Variants in XRN2 observed in about 807,000 individuals in gnomAD.
The protein encoded by XRN2 is DHM1-like protein.
Under a neutral mutation model 138.5 loss-of-function variants are expected in XRN2, and 44 were observed. That is an observed-to-expected ratio of 0.32 (90% CI 0.25 to 0.41). The LOEUF is 0.41. Ranked by LOEUF, XRN2 falls within the 10% of genes least tolerant of loss-of-function variation. XRN2 has a pLI of 1.00. For missense variants in XRN2, 937 were observed against 1,169.3 expected, an observed-to-expected ratio of 0.80 and a Z score of 2.90; for synonymous variants, 354 against 369.4, an observed-to-expected ratio of 0.96 and a Z score of 0.48.
At chr20:21,318,624 T>C (rs1186438928) in intron 1 of XRN2, among the ~76,000 whole-genome samples, 1 of 152,146 alleles carries the variant, frequency 6.6e-6, no homozygotes, top group Admixed American at 6.5e-5. Context: ...TTTATATGTA[T>C]TCCATAACAT....
intron 27 of XRN2, among the ~76,000 whole-genome samples, chr20:21,371,953 C>G (rs2038767967): frequency 6.6e-6 from 1 of 152,150 alleles, no homozygotes; most frequent in African/African-American, 2.4e-5. Context: ...ATTAATATTA[C>G]TTTGGTTAAA....
chr20:21,364,671 G>A (rs2038674458), intron 24 of XRN2, among the ~76,000 whole-genome samples: 1 of 152,072 alleles, frequency 6.6e-6, no homozygotes, highest in Non-Finnish European at 1.5e-5. Context: ...GCCGGGCATG[G>A]TGTTGTGTAC....
Position 21,389,291 on chromosome 20 carries a change from A to G in XRN2, c.2806A>G (p.Arg936Gly). The G allele has an allele frequency of 6.2e-7, 1 of 1,613,402 alleles. No homozygotes were observed. The highest frequency in any genetic ancestry group is 1.1e-5 in the South Asian group (1 of 90,952). Residue 936 changes from arginine to glycine, a missense_variant, in exon 30 of 30, where the codon AGG (arginine) becomes GGG (glycine). By Grantham distance (125) the Arg-to-Gly change is moderately radical (BLOSUM62 -2). Coordinates refer to ENST00000377191, the MANE Select transcript of XRN2 (RefSeq NM_012255.5). ...TTTTCAGGGATATCCCAGAGAAGGA[A>G]GGAAATACCCTTTGCCACCACCCTC... ...GGRQGYPREG[R>G]KYPLPPPSGR...
At chr20:21,303,565 A>G (rs980781346) in intron 1 of XRN2, 92 bp downstream of exon 1, 1 of 1,414,018 alleles carries the variant, frequency 7.1e-7, no homozygotes, top group Non-Finnish European at 9.2e-7. Context: ...GCCCCCGGGG[A>G]GCCTTGCCGG....
chr20:21,341,054 C>T (rs189992490), intron 15 of XRN2, among the ~76,000 whole-genome samples: 32 of 152,046 alleles, frequency 2.1e-4, no homozygotes, highest in Non-Finnish European at 3.7e-4. Context: ...AAGAAGAGCA[C>T]GTAGGATTGT....
At chr20:21,355,111 A>G (rs1035436277) in intron 21 of XRN2, among the ~76,000 whole-genome samples, 1 of 152,226 alleles carries the variant, frequency 6.6e-6, no homozygotes, top group Non-Finnish European at 1.5e-5. Flanking sequence ...TTAAAAAGCA[A>G]TACTTCAACA....
chr20:21,359,314 C>T (rs1457890096), intron 24 of XRN2, among the ~76,000 whole-genome samples: 1 of 152,038 alleles, frequency 6.6e-6, no homozygotes, highest in Non-Finnish European at 1.5e-5. Context: ...GTGGGTGGAT[C>T]ATCTGAGATC....
At chr20:21,380,970 T>C (rs889236945) in intron 27 of XRN2, among the ~76,000 whole-genome samples, 3 of 152,242 alleles carry the variant, frequency 2.0e-5, no homozygotes, top group African/African-American at 7.2e-5. Flanking sequence ...CAGCTAGATA[T>C]TTTATTGATT....
chr20:21,376,131 C>T (rs1007513282), intron 27 of XRN2, among the ~76,000 whole-genome samples: 1 of 152,150 alleles, frequency 6.6e-6, no homozygotes, highest in African/African-American at 2.4e-5. Context: ...AGCCACTGCC[C>T]CCAGCCACCA....
intron 13 of XRN2, 53 bp from the exon 14 acceptor site, chr20:21,338,991 T>C (rs939647759): frequency 2.8e-5 from 43 of 1,542,630 alleles, no homozygotes; most frequent in Non-Finnish European, 3.7e-5. Context: ...AATGCTTAAC[T>C]CTGACATTTT....
intron 17 of XRN2, among the ~76,000 whole-genome samples, chr20:21,347,498 G>A (rs1367791932): frequency 6.6e-6 from 1 of 152,182 alleles, no homozygotes; most frequent in Non-Finnish European, 1.5e-5. Context: ...AGTGCACTGA[G>A]TATTGACCGT....
At chr20:21,310,374 A>G (rs2037863072) in intron 1 of XRN2, among the ~76,000 whole-genome samples, 1 of 152,246 alleles carries the variant, frequency 6.6e-6, no homozygotes, top group Admixed American at 6.5e-5. Flanking sequence ...TGTGTATTTG[A>G]AAAGGATACA....
At chr20:21,350,370 C>T (rs1020928816) in intron 20 of XRN2, among the ~76,000 whole-genome samples, 1 of 151,450 alleles carries the variant, frequency 6.6e-6, no homozygotes, top group East Asian at 1.9e-4. Flanking sequence ...ACTAGAAATA[C>T]AAAAAATTAG....
intron 24 of XRN2, among the ~76,000 whole-genome samples, chr20:21,362,880 A>G (rs1363397895): frequency 6.6e-6 from 1 of 152,192 alleles, no homozygotes; most frequent in Non-Finnish European, 1.5e-5. Flanking sequence ...GGGAGAATTG[A>G]GAATGTACTC....
intron 29 of XRN2, 108 bp downstream of exon 29, chr20:21,387,114 A>T: frequency 7.1e-7 from 1 of 1,412,740 alleles, no homozygotes; most frequent in Non-Finnish European, 9.5e-7. Context: ...CTGATAGAGT[A>T]GCTTAGAGTA....
At chr20:21,354,749 C>T (rs774699167) in intron 20 of XRN2, 40 bp from the exon 21 acceptor site, 63 of 1,589,294 alleles carry the variant, frequency 4.0e-5, no homozygotes, top group Middle Eastern at 1.7e-4. Context: ...TTTGGGTGAT[C>T]CTGGTAGCAG....
intron 20 of XRN2, among the ~76,000 whole-genome samples, chr20:21,352,589 C>T (rs536816326): frequency 6.6e-6 from 1 of 152,258 alleles, no homozygotes; most frequent in African/African-American, 2.4e-5. Context: ...CCTCAGCCTC[C>T]CAAAGTGCTG....
intron 29 of XRN2, among the ~76,000 whole-genome samples, chr20:21,387,336 C>G (rs2038947216): frequency 6.6e-6 from 1 of 151,822 alleles, no homozygotes; most frequent in Admixed American, 6.6e-5. Flanking sequence ...AACCTAGATC[C>G]CTCTTAATGG....
At chr20:21,308,494 G>T (rs2037834162) in intron 1 of XRN2, among the ~76,000 whole-genome samples, 1 of 152,160 alleles carries the variant, frequency 6.6e-6, no homozygotes, top group African/African-American at 2.4e-5. Flanking sequence ...CAGGGTTCCA[G>T]TTGCTCAACT....
Sources: gnomAD v4.1 joint callset for allele counts (sites outside exome capture counted in the v4.1 genomes callset) on GRCh38, gnomAD v4.1.1 for gene constraint, MANE v1.5 for transcripts, NCBI Gene and HGNC (gene_info 2026-07-23, HGNC 2026-07-21) for gene names.